Variants in CHLSN observed in about 807,000 individuals in gnomAD.
The protein encoded by CHLSN is protein cholesin.
chr7:982,108 C>T, the CHLSN span, among the ~76,000 whole-genome samples: 459 of 152,338 alleles, frequency 3.0e-3, 1 homozygote, highest in African/African-American at 0.01. Context: ...GTAGGACCCC[C>T]AGCCTACCCA....
the CHLSN span, among the ~76,000 whole-genome samples, chr7:1,008,811 C>T: frequency 1.6e-3 from 191 of 117,668 alleles, 1 homozygote; most frequent in African/African-American, 6.3e-3. Flanking sequence ...TATACATGTA[C>T]ACACGCACAT....
chr7:1,115,504 G>A, the CHLSN span, among the ~76,000 whole-genome samples: 2 of 149,348 alleles, frequency 1.3e-5, no homozygotes, highest in African/African-American at 2.5e-5. Context: ...ACAGCTCTAC[G>A]GACCGGCTTC....
At chr7:1,092,247 C>T in the CHLSN span, 36 of 1,612,480 alleles carry the variant, frequency 2.2e-5, no homozygotes, top group Admixed American at 5.0e-5. Context: ...CCAAGCACCA[C>T]GCCCGGCTGA....
the CHLSN span, among the ~76,000 whole-genome samples, chr7:1,027,879 T>C: frequency 6.6e-6 from 1 of 152,242 alleles, no homozygotes; most frequent in South Asian, 2.1e-4. Context: ...GGCTGCTGCA[T>C]CGCGGCTGGG....
At chr7:1,072,558 C>CT in the CHLSN span, among the ~76,000 whole-genome samples, 6 of 152,306 alleles carry the variant, frequency 3.9e-5, no homozygotes, top group Non-Finnish European at 8.8e-5. Context: ...CCAAAACGGT[C>CT]TGTGGGCTGA....
chr7:1,106,198 C>T, the CHLSN span, among the ~76,000 whole-genome samples: 2 of 152,208 alleles, frequency 1.3e-5, no homozygotes, highest in Admixed American at 6.5e-5. Context: ...ACTCAGCTGT[C>T]GGGCTCTGCC....
the CHLSN span, among the ~76,000 whole-genome samples, chr7:1,011,243 C>T: frequency 6.9e-6 from 1 of 144,322 alleles, no homozygotes; most frequent in Non-Finnish European, 1.5e-5. Context: ...CACCCACATA[C>T]CCACCCACCC....
chr7:1,006,344 C>T, the CHLSN span, among the ~76,000 whole-genome samples: 2 of 151,852 alleles, frequency 1.3e-5, no homozygotes, highest in Admixed American at 1.3e-4. Context: ...ACACGACGGT[C>T]ACAGCACAGG....
At chr7:1,101,146 C>T in the CHLSN span, among the ~76,000 whole-genome samples, 1 of 152,268 alleles carries the variant, frequency 6.6e-6, no homozygotes, top group East Asian at 1.9e-4. Context: ...CGCACACTCC[C>T]GCAGACTCTG....
chr7:1,122,862 C>A, the CHLSN span, among the ~76,000 whole-genome samples: 2 of 152,254 alleles, frequency 1.3e-5, no homozygotes, highest in Admixed American at 6.5e-5. Flanking sequence ...AGCGGCAGAA[C>A]CTCCTGCCCG....
At chr7:1,111,747 A>G in the CHLSN span, among the ~76,000 whole-genome samples, 3 of 152,218 alleles carry the variant, frequency 2.0e-5, no homozygotes, top group Admixed American at 2.0e-4. Context: ...GGCTACAGTG[A>G]GCCAGGATCA....
the CHLSN span, among the ~76,000 whole-genome samples, chr7:1,020,362 G>C: frequency 6.6e-6 from 1 of 152,172 alleles, no homozygotes; most frequent in Admixed American, 6.5e-5. Flanking sequence ...CCGCTCTCCT[G>C]TCAGAGCCAG....
the CHLSN span, among the ~76,000 whole-genome samples, chr7:1,013,048 G>A: frequency 2.6e-5 from 4 of 152,296 alleles, no homozygotes; most frequent in Admixed American, 2.6e-4. Context: ...CGTGGGGAAT[G>A]GGAGCAGCGC....
the CHLSN span, among the ~76,000 whole-genome samples, chr7:1,066,179 G>A: frequency 6.6e-6 from 1 of 152,264 alleles, no homozygotes; most frequent in African/African-American, 2.4e-5. Context: ...TGGCGCTGCG[G>A]GGTCCCGGCC....
chr7:1,023,677 A>ACACACACACACACACACC, the CHLSN span, among the ~76,000 whole-genome samples: 1 of 101,414 alleles, frequency 9.9e-6, no homozygotes, highest in Non-Finnish European at 2.3e-5. This position sits in a 1 kb window ranked among gnomAD's most constrained non-coding sequence, Gnocchi z 5.0. Flanking sequence ...ACACACACAC[A>ACACACACACACACACACC]CCAGCAACGC....
chr7:995,716 G>T, the CHLSN span, among the ~76,000 whole-genome samples: 1 of 152,394 alleles, frequency 6.6e-6, no homozygotes, highest in South Asian at 2.1e-4. Flanking sequence ...CTGAAGGTTC[G>T]TGCTGTGCAA....
chr7:1,075,551 G>C, the CHLSN span, among the ~76,000 whole-genome samples: 6,193 of 148,842 alleles, frequency 0.042, 422 homozygotes, highest in African/African-American at 0.14. Context: ...AAAAGGAAAA[G>C]AAACAACCGT....
At chr7:1,009,053 A>ACGTGCACGTGCACGCAG in the CHLSN span, among the ~76,000 whole-genome samples, 1 of 152,090 alleles carries the variant, frequency 6.6e-6, no homozygotes, top group Non-Finnish European at 1.5e-5. Flanking sequence ...ACACACGTAC[A>ACGTGCACGTGCACGCAG]CGTGCACGTG....
chr7:1,053,441 T>C, the CHLSN span, among the ~76,000 whole-genome samples: 9 of 152,224 alleles, frequency 5.9e-5, no homozygotes, highest in Non-Finnish European at 1.3e-4. Context: ...GAGTCTCCTG[T>C]GACCAGGAGA....
Sources: allele counts gnomAD v4.1 joint callset (sites outside exome capture counted in the v4.1 genomes callset), GRCh38; gene constraint gnomAD v4.1.1; non-coding constraint Gnocchi (gnomAD v3.1); transcripts MANE v1.5; gene names NCBI Gene and HGNC (gene_info 2026-07-23, HGNC 2026-07-21).